HMMR: variants seen among roughly 807,000 people sequenced by gnomAD.
HMMR encodes intracellular hyaluronic acid-binding protein.
HMMR carries 108 observed loss-of-function variants against 101.0 expected under a neutral mutation model. The observed-to-expected ratio is 1.07, with a 90% CI of 0.92 to 1.25. The LOEUF is 1.25. Ranked by LOEUF, HMMR falls within the 50% of genes most tolerant of loss-of-function variation. The probability of loss-of-function intolerance (pLI) is 0.00; values close to 1 mark genes in which losing one functional copy is unlikely to be tolerated. For missense variants in HMMR, 813 were observed against 788.7 expected, an observed-to-expected ratio of 1.03 and a Z score of -0.37; for synonymous variants, 296 against 276.4, an observed-to-expected ratio of 1.07 and a Z score of -0.70.
At chr5:163,464,860 A>T in intron 3 of HMMR, 58 bp downstream of exon 3, 2 of 1,044,898 alleles carry the variant, frequency 1.9e-6, no homozygotes, top group Non-Finnish European at 3.0e-6. Context: ...AACATCTGAA[A>T]GTATTGTATT....
intron 1 of HMMR, 127 bp downstream of exon 1, chr5:163,460,865 A>AT (rs1758499937): frequency 6.4e-6 from 5 of 780,710 alleles, no homozygotes; most frequent in Non-Finnish European, 1.1e-5. Context: ...CAGTTGATTG[A>AT]TTTTTCTCAA....
chr5:163,482,117 A>G (rs962643694), intron 12 of HMMR, among the ~76,000 whole-genome samples: 5 of 152,054 alleles, frequency 3.3e-5, no homozygotes, highest in Admixed American at 2.0e-4. Flanking sequence ...GGGTTTCACC[A>G]TGTTGGTCAT....
chr5:163,486,498 A>T (rs886800944), intron 16 of HMMR, among the ~76,000 whole-genome samples: 2 of 152,126 alleles, frequency 1.3e-5, no homozygotes, highest in Non-Finnish European at 2.9e-5. Flanking sequence ...TGCTAAACTC[A>T]TTTTAGTTCT....
At chr5:163,467,370 C>G (rs946132744) in intron 3 of HMMR, among the ~76,000 whole-genome samples, 1 of 152,154 alleles carries the variant, frequency 6.6e-6, no homozygotes, top group Non-Finnish European at 1.5e-5. Context: ...TCTGAGATAG[C>G]ATAATTAAAT....
In HMMR at chr5:163,491,745, T is replaced by C. The variant is rs1759703015; in HGVS notation, c.*581T>C. The C allele has an allele frequency of 6.6e-6, 1 of 152,228 alleles. No homozygotes were observed. Among genetic ancestry groups the C allele is most frequent in the Admixed American group, 6.5e-5 (1 of 15,288 alleles). The allele number at this position is 152,228 out of a possible 1,614,324, so 9.4% of individuals were successfully genotyped here. The stretch of plus-strand genomic sequence containing the variant: ...ATCCTGTTTGTATGAAATTATAATC[T>C]GTGGATTGGCCTTTAAGCCTGCATT... On this transcript the variant is annotated 3_prime_UTR_variant, in exon 18 of 18. Coordinates refer to ENST00000393915, the MANE Select transcript of HMMR (RefSeq NM_001142556.2).
At position 163,471,195 on chromosome 5, in the gene HMMR, A is replaced by AT; in HGVS notation, c.474dup (p.Gly159TrpfsTer2). 1 of 1,602,088 alleles carries AT rather than the reference A, an allele frequency of 6.2e-7. No individual in the cohort carries two copies. The highest frequency in any genetic ancestry group is 8.5e-7 in the Non-Finnish European group (1 of 1,169,638). On this transcript the variant is annotated frameshift_variant, in exon 6 of 18. Coordinates refer to ENST00000393915, the MANE Select transcript of HMMR (RefSeq NM_001142556.2). LOFTEE classifies it high-confidence loss of function. The stretch of plus-strand genomic sequence containing the variant: ...GTTTGTTGTATTTAGTTTTCTGAAA[A>AT]TGGTAACCAGAAGAATTTGAGAATT...
At chr5:163,473,074 C>A (rs989888817) in intron 7 of HMMR, 105 bp from the exon 8 acceptor site, 5 of 618,188 alleles carry the variant, frequency 8.1e-6, no homozygotes, top group Non-Finnish European at 1.5e-5. Flanking sequence ...AGTTAGGGCT[C>A]TGTAGTCAGC....
chr5:163,471,307 A>T, intron 6 of HMMR, 36 bp downstream of exon 6: 1 of 1,605,432 alleles, frequency 6.2e-7, no homozygotes, highest in East Asian at 2.2e-5. Context: ...CTGTGTCTGG[A>T]TCTGGGGATC....
intron 3 of HMMR, among the ~76,000 whole-genome samples, chr5:163,466,789 A>G (rs1434121115): frequency 3.3e-5 from 5 of 152,202 alleles, no homozygotes; most frequent in Non-Finnish European, 1.5e-5. Context: ...AATAAAATAT[A>G]TTAAGATTTT....
intron 11 of HMMR, among the ~76,000 whole-genome samples, chr5:163,476,335 A>G (rs1288776536): frequency 6.6e-6 from 1 of 152,130 alleles, no homozygotes; most frequent in African/African-American, 2.4e-5. Context: ...ACAAAACACA[A>G]TAATGAACTT....
At chr5:163,473,580 C>T (rs780849822) in intron 9 of HMMR, 23 bp downstream of exon 9, 7 of 1,456,970 alleles carry the variant, frequency 4.8e-6, no homozygotes, top group Admixed American at 2.3e-5. Context: ...TTTATAGTTA[C>T]TTTGTTTAGA....
chr5:163,491,003 A>G, intron 17 of HMMR, 109 bp from the exon 18 acceptor site: 1 of 556,772 alleles, frequency 1.8e-6, no homozygotes, highest in Non-Finnish European at 3.1e-6. Flanking sequence ...TACAGAATAT[A>G]TTGCTTCATC....
In HMMR at chr5:163,475,672, G is replaced by A. The variant is rs1395987577; in HGVS notation, c.1268G>A (p.Gly423Glu). Residue 423 changes from glycine to glutamate, a missense_variant and splice_region_variant, in exon 11 of 18, where the codon GGG (glycine) becomes GAG (glutamate). Gly to Glu is a moderately conservative substitution (Grantham distance 98). Transcript: ENST00000393915. ...ELKLLEEKLK[G>E]KEAELEKSSA... Reference sequence around the variant, plus strand: ...AAACTCCTAGAAGAAAAGCTGAAAGGGTTTGTATTAATAGGATCTCATGTT... The same window carrying A: ...AAACTCCTAGAAGAAAAGCTGAAAGAGTTTGTATTAATAGGATCTCATGTT... 1 of 1,556,388 alleles carries A rather than the reference G, an allele frequency of 6.4e-7. No homozygotes were observed.
intron 16 of HMMR, among the ~76,000 whole-genome samples, chr5:163,485,576 T>A (rs981844998): frequency 6.6e-6 from 1 of 152,218 alleles, no homozygotes; most frequent in Non-Finnish European, 1.5e-5. Context: ...CACAAGTCTC[T>A]TATGTATTAT....
rs755567153 is a variant in HMMR, at chr5:163,471,277, T to C, written c.549+6T>C. ...AAAGAGAAACAAAGATGAGGGTGAGTGCTGCCCTTGGCAGGTTTGCTGTGT... is the reference window on the plus strand; with the variant it reads ...AAAGAGAAACAAAGATGAGGGTGAGCGCTGCCCTTGGCAGGTTTGCTGTGT... On this transcript the variant is annotated splice_donor_region_variant and intron_variant, in intron 6 of 17. Transcript: ENST00000393915. 1.7e-5 allele frequency: 27 copies of C among 1,609,188 alleles called. No individual in the cohort carries two copies. The highest frequency in any genetic ancestry group is 2.3e-5 in the Non-Finnish European group (27 of 1,175,678).
At position 163,469,634 on chromosome 5, in the gene HMMR, T is replaced by C. The variant is rs748332693; in HGVS notation, c.274-7T>C. On this transcript the variant is annotated splice_polypyrimidine_tract_variant and splice_region_variant and intron_variant, in intron 4 of 17. Transcript: ENST00000393915. Reference sequence around the variant, plus strand: ...GAATCATTTATTATCACCTTGTTTTTGTCCAGATTCGTGTTCTTCTACAGG... The same window carrying C: ...GAATCATTTATTATCACCTTGTTTTCGTCCAGATTCGTGTTCTTCTACAGG... 12 of 1,605,058 alleles carry C rather than the reference T, an allele frequency of 7.5e-6. No individual in the cohort carries two copies. The South Asian group carries it at 1.3e-4, about 18-fold the overall frequency.
chr5:163,475,396 C>G (rs1759034985), intron 10 of HMMR, 62 bp from the exon 11 acceptor site: 1 of 879,586 alleles, frequency 1.1e-6, no homozygotes, highest in South Asian at 1.8e-5. Flanking sequence ...TTTTTTTTGT[C>G]TCCTAGTACA....
In HMMR at chr5:163,491,258, A is replaced by T. The variant is rs999207442; in HGVS notation, c.*94A>T. ...TGACATGGGTATTTTATAATGTTGT[A>T]TTTAATTTTAACTGCCAATCCTTAA... On this transcript the variant is annotated 3_prime_UTR_variant, in exon 18 of 18. Transcript: ENST00000393915. The T allele has an allele frequency of 7.3e-6, 5 of 680,474 alleles. No individual in the cohort carries two copies. In the African/African-American group the frequency reaches 9.4e-5, roughly 13 times the overall value. The allele number at this position is 680,474 out of a possible 1,614,324, so 42.2% of individuals were successfully genotyped here. A position where few individuals can be genotyped will look rare whatever the true frequency, so the allele number is the denominator to read the frequency against.
At chr5:163,476,412 A>G (rs1268974948) in intron 11 of HMMR, among the ~76,000 whole-genome samples, 1 of 152,222 alleles carries the variant, frequency 6.6e-6, no homozygotes, top group East Asian at 1.9e-4. Flanking sequence ...ATGCACTTAC[A>G]TAGTGTAAGT....
Sources: allele counts gnomAD v4.1 joint callset (sites outside exome capture counted in the v4.1 genomes callset), GRCh38; gene constraint gnomAD v4.1.1; transcripts MANE v1.5; gene names NCBI Gene and HGNC (gene_info 2026-07-23, HGNC 2026-07-21).